LIG1: variants seen among roughly 807,000 people sequenced by gnomAD.
LIG1 encodes ligase I, DNA, ATP-dependent.
In LIG1, 70 loss-of-function variants were observed where a neutral mutation model predicts 115.7. The ratio of observed to expected loss-of-function variants is 0.60; its 90% confidence interval spans 0.50 to 0.74. The LOEUF is 0.74. Ranked by LOEUF, LIG1 falls within the 30% of genes least tolerant of loss-of-function variation. The probability of loss-of-function intolerance (pLI) is 0.00; values close to 1 mark genes in which losing one functional copy is unlikely to be tolerated. For missense variants in LIG1, 1,115 were observed against 1,225.6 expected (o/e 0.91, Z 1.35); for synonymous variants, 487 against 495.3 (o/e 0.98, Z 0.22).
chr19:48,130,241 G>A (rs1400454387), intron 19 of LIG1, among the ~76,000 whole-genome samples: 1 of 152,236 alleles, frequency 6.6e-6, no homozygotes, highest in Non-Finnish European at 1.5e-5. Context: ...CGGAACAGGA[G>A]CTCCCCTAAC....
chr19:48,162,495 G>C (rs1041049707), intron 2 of LIG1, 144 bp from the exon 3 acceptor site: 1 of 592,762 alleles, frequency 1.7e-6, no homozygotes, highest in Non-Finnish European at 2.9e-6. Flanking sequence ...GTGCAATGGC[G>C]CAATCTCAGC....
intron 16 of LIG1, among the ~76,000 whole-genome samples, chr19:48,135,431 G>C (rs982286814): frequency 6.6e-6 from 1 of 152,118 alleles, no homozygotes; most frequent in Non-Finnish European, 1.5e-5. Context: ...CGCTGCCAGC[G>C]TCTTTCTATA....
chr19:48,126,124 T>C (rs1013364367), intron 21 of LIG1, among the ~76,000 whole-genome samples: 2 of 152,080 alleles, frequency 1.3e-5, no homozygotes, highest in African/African-American at 4.8e-5. Flanking sequence ...ATAAAGCACC[T>C]GCCACTGTTA....
In LIG1 at chr19:48,115,752, C is replaced by A. The variant is rs368933786; in HGVS notation, c.2677-20G>T. On this transcript the variant is annotated intron_variant, in intron 27 of 27. Transcript: ENST00000263274. ...GGCCACCTGCGGAGAGAGGGTGGGACGGGGTGGTCAGAAGCTCCCTGGCTG... is the reference window on the plus strand; with the variant it reads ...GGCCACCTGCGGAGAGAGGGTGGGAAGGGGTGGTCAGAAGCTCCCTGGCTG... 2 of 1,606,320 alleles carry A rather than the reference C, an allele frequency of 1.2e-6. No individual in the cohort carries two copies. Among genetic ancestry groups the A allele is most frequent in the Admixed American group, 3.3e-5 (2 of 60,004 alleles).
chr19:48,138,443 T>C (rs1399012607), intron 12 of LIG1, among the ~76,000 whole-genome samples: 2 of 152,170 alleles, frequency 1.3e-5, no homozygotes, highest in Non-Finnish European at 2.9e-5. Flanking sequence ...CCACAGATGC[T>C]CAGCCGCGGC....
At chr19:48,118,077 G>A (rs1348143204) in intron 25 of LIG1, among the ~76,000 whole-genome samples, 4 of 152,142 alleles carry the variant, frequency 2.6e-5, no homozygotes, top group Non-Finnish European at 4.4e-5. Context: ...AGGCCCTGGG[G>A]GCTGAGGCAG....
At chr19:48,160,777 G>A (rs995063165) in intron 4 of LIG1, among the ~76,000 whole-genome samples, 28 of 150,856 alleles carry the variant, frequency 1.9e-4, no homozygotes, top group Admixed American at 1.1e-3. Context: ...CTGTCACCCC[G>A]GCTGGAGTAC....
In LIG1 at chr19:48,137,001, C is replaced by G. The variant is rs759267657; in HGVS notation, c.1331+7G>C. The G allele has an allele frequency of 1.9e-6, 3 of 1,609,230 alleles. No homozygotes were observed. Among genetic ancestry groups the G allele is most frequent in the African/African-American group, 1.3e-5 (1 of 74,900 alleles). ...CCCTCTGTAGCCTCACAGGCCCACA[C>G]GCTTACCTAGCGATGAACCGGGCTT... On this transcript the variant is annotated splice_region_variant and intron_variant, in intron 14 of 27. Transcript: ENST00000263274. The surrounding 1 kb of genome is among the most constrained non-coding windows in gnomAD (Gnocchi z 4.3).
chr19:48,130,720 T>C (rs898256396), intron 19 of LIG1, among the ~76,000 whole-genome samples: 1 of 152,178 alleles, frequency 6.6e-6, no homozygotes, highest in Non-Finnish European at 1.5e-5. Flanking sequence ...TAGAATCCCT[T>C]TTCCCTCTTT....
rs778288933 is a variant in LIG1, at chr19:48,128,038, AGACCCAG to A, written c.1822-25_1822-19del. 1.1e-5 allele frequency: 18 copies of A among 1,593,168 alleles called. No individual in the cohort carries two copies. In the African/African-American group the frequency reaches 2.3e-4, roughly 20 times the overall value. On this transcript the variant is annotated intron_variant, in intron 19 of 27. Coordinates refer to ENST00000263274, the MANE Select transcript of LIG1 (RefSeq NM_000234.3). ...AGTTTAATCTGAAAAGTGAAGGGAG[AGACCCAG>A]GGCCTGAGAGAGGTGGAAGATGAGG...
intron 4 of LIG1, 135 bp from the exon 5 acceptor site, chr19:48,157,275 G>C (rs944137373): frequency 1.4e-5 from 14 of 981,092 alleles, no homozygotes; most frequent in Non-Finnish European, 1.6e-5. Context: ...CCTAACTCAG[G>C]GGTGGCCTCT....
intron 5 of LIG1, among the ~76,000 whole-genome samples, chr19:48,156,111 C>T (rs1260056896): frequency 6.6e-6 from 1 of 152,174 alleles, no homozygotes; most frequent in Non-Finnish European, 1.5e-5. Context: ...GCTGGTTTTC[C>T]AGGACCTTCT....
At chr19:48,158,277 A>C (rs2035973581) in intron 4 of LIG1, among the ~76,000 whole-genome samples, 1 of 152,164 alleles carries the variant, frequency 6.6e-6, no homozygotes, top group African/African-American at 2.4e-5. Flanking sequence ...CTTAATGTTG[A>C]GTGGGGTGCC....
intron 1 of LIG1, among the ~76,000 whole-genome samples, chr19:48,166,589 A>T (rs2036494845): frequency 1.3e-5 from 2 of 152,276 alleles, no homozygotes; most frequent in Non-Finnish European, 1.5e-5. Flanking sequence ...ATATATTTTT[A>T]AAAATTAAAT....
intron 22 of LIG1, 39 bp from the exon 23 acceptor site, chr19:48,123,055 G>A (rs2033406273): frequency 6.2e-7 from 1 of 1,611,838 alleles, no homozygotes; most frequent in African/African-American, 1.3e-5. Context: ...GGGAAGCCCT[G>A]GCTCACAAGC....
At chr19:48,116,462 A>C (rs2122253542) in intron 26 of LIG1, among the ~76,000 whole-genome samples, 1 of 151,560 alleles carries the variant, frequency 6.6e-6, no homozygotes. Context: ...AAAAAAAAAA[A>C]AAAATGCCAC....
intron 8 of LIG1, 85 bp from the exon 9 acceptor site, chr19:48,149,926 A>T: frequency 9.1e-6 from 14 of 1,537,556 alleles, no homozygotes; most frequent in African/African-American, 1.4e-5. Flanking sequence ...GCACCACCCC[A>T]GTGCTCAGGG....
intron 16 of LIG1, among the ~76,000 whole-genome samples, chr19:48,134,556 A>C (rs1308734767): frequency 6.6e-6 from 1 of 152,088 alleles, no homozygotes; most frequent in Non-Finnish European, 1.5e-5. Context: ...TACTCAGGAG[A>C]CTGAGGCAGG....
intron 25 of LIG1, 58 bp from the exon 26 acceptor site, chr19:48,117,839 A>G (rs766434720): frequency 5.1e-5 from 81 of 1,589,988 alleles, no homozygotes; most frequent in Non-Finnish European, 6.7e-5. Context: ...GTCAAGGCCA[A>G]GTGTTGGAGG....
Sources: allele counts gnomAD v4.1 joint callset (sites outside exome capture counted in the v4.1 genomes callset), GRCh38; gene constraint gnomAD v4.1.1; non-coding constraint Gnocchi (gnomAD v3.1); transcripts MANE v1.5; gene names NCBI Gene and HGNC (gene_info 2026-07-23, HGNC 2026-07-21).